HYCC1: variants seen among roughly 807,000 people sequenced by gnomAD.
HYCC1 encodes the protein hyccin.
the HYCC1 span, chr7:22,976,282 A>C: frequency 6.2e-7 from 1 of 1,612,296 alleles, no homozygotes; most frequent in South Asian, 1.1e-5. Flanking sequence ...GTAACACAAC[A>C]AAAGGAATGT....
the HYCC1 span, chr7:22,946,115 A>C: frequency 6.2e-7 from 1 of 1,613,280 alleles, no homozygotes; most frequent in Non-Finnish European, 8.5e-7. Context: ...TCCCTCGTCA[A>C]CTTCAGATAT....
At chr7:23,001,596 G>A in the HYCC1 span, among the ~76,000 whole-genome samples, 2 of 152,170 alleles carry the variant, frequency 1.3e-5, no homozygotes, top group South Asian at 4.1e-4. Context: ...AGAACTATAG[G>A]GTAGTAAAAG....
chr7:22,923,235 T>C, the HYCC1 span, among the ~76,000 whole-genome samples: 14 of 152,024 alleles, frequency 9.2e-5, no homozygotes, highest in Non-Finnish European at 1.8e-4. Flanking sequence ...GGAATAAAAA[T>C]AGAAATTATT....
At chr7:22,990,101 A>G in the HYCC1 span, among the ~76,000 whole-genome samples, 3 of 152,224 alleles carry the variant, frequency 2.0e-5, no homozygotes, top group African/African-American at 7.2e-5. Flanking sequence ...GTTTCTGAAC[A>G]TAACATTTCA....
the HYCC1 span, chr7:22,977,544 A>T: frequency 4.9e-6 from 3 of 607,002 alleles, no homozygotes; most frequent in Non-Finnish European, 8.6e-6. Flanking sequence ...ATTTTAAGTT[A>T]AAACCTTAAA....
chr7:23,004,361 T>C, the HYCC1 span, among the ~76,000 whole-genome samples: 304 of 152,344 alleles, frequency 2.0e-3, 2 homozygotes, highest in African/African-American at 7.2e-3. Context: ...TAATTCCTGA[T>C]TGATGAAACC....
chr7:22,990,928 T>G, the HYCC1 span: 1 of 663,228 alleles, frequency 1.5e-6, no homozygotes, highest in Non-Finnish European at 2.7e-6. Flanking sequence ...TAACTCTCTA[T>G]TGAGATTTGA....
the HYCC1 span, chr7:22,984,158 AT>A: frequency 3.0e-6 from 2 of 677,586 alleles, no homozygotes; most frequent in Non-Finnish European, 5.3e-6. Context: ...GGAGAAGAAG[AT>A]TAGGAGTGAC....
At chr7:23,013,197 C>A in the HYCC1 span, among the ~76,000 whole-genome samples, 1 of 152,134 alleles carries the variant, frequency 6.6e-6, no homozygotes, top group Non-Finnish European at 1.5e-5. Flanking sequence ...TCAGCCAAAC[C>A]CCCGAGGATT....
At chr7:23,003,215 C>A in the HYCC1 span, among the ~76,000 whole-genome samples, 3 of 151,466 alleles carry the variant, frequency 2.0e-5, no homozygotes, top group Admixed American at 6.6e-5. Context: ...CTTTTTTTTT[C>A]TTATATTAAG....
chr7:22,937,222 A>G, the HYCC1 span: 1 of 152,164 alleles, frequency 6.6e-6, no homozygotes, highest in Non-Finnish European at 1.5e-5. Flanking sequence ...AAGTTTAAAG[A>G]TAAATGCATG....
the HYCC1 span, among the ~76,000 whole-genome samples, chr7:22,949,990 T>C: frequency 6.6e-6 from 1 of 151,992 alleles, no homozygotes; most frequent in Non-Finnish European, 1.5e-5. Context: ...AACATAATTC[T>C]CAGGAAAACT....
the HYCC1 span, among the ~76,000 whole-genome samples, chr7:23,008,749 CAT>C: frequency 9.2e-5 from 14 of 152,106 alleles, no homozygotes; most frequent in South Asian, 4.1e-4. Context: ...AGTATACACA[CAT>C]GATTTGGTAT....
the HYCC1 span, among the ~76,000 whole-genome samples, chr7:22,952,263 A>G: frequency 0.4 from 60,212 of 151,852 alleles, 11,929 homozygotes; most frequent in East Asian, 0.5. Context: ...AAGTAGGGTA[A>G]TAGGGGATAA....
the HYCC1 span, among the ~76,000 whole-genome samples, chr7:22,990,855 A>C: frequency 6.6e-6 from 1 of 152,216 alleles, no homozygotes; most frequent in African/African-American, 2.4e-5. Flanking sequence ...AAATGAATAA[A>C]CTCTTTGAAC....
chr7:22,960,467 T>C, the HYCC1 span: 27 of 1,426,676 alleles, frequency 1.9e-5, no homozygotes, highest in Admixed American at 2.3e-4. Context: ...AGAGCAGATA[T>C]ATTATCTAAC....
At chr7:22,931,817 C>G in the HYCC1 span, among the ~76,000 whole-genome samples, 1 of 152,070 alleles carries the variant, frequency 6.6e-6, no homozygotes, top group Non-Finnish European at 1.5e-5. Context: ...GAATTGTGTT[C>G]TAGATTTGGA....
At chr7:22,994,931 C>G in the HYCC1 span, among the ~76,000 whole-genome samples, 2 of 152,158 alleles carry the variant, frequency 1.3e-5, no homozygotes. Context: ...TCTCCCATCC[C>G]ATCCTAATTC....
chr7:22,928,138 C>A, the HYCC1 span, among the ~76,000 whole-genome samples: 1 of 151,952 alleles, frequency 6.6e-6, no homozygotes, highest in Non-Finnish European at 1.5e-5. Context: ...TTCAACAACC[C>A]TTCATGCTAA....
Sources: gnomAD v4.1 joint callset for allele counts (sites outside exome capture counted in the v4.1 genomes callset) on GRCh38, gnomAD v4.1.1 for gene constraint, MANE v1.5 for transcripts, NCBI Gene and HGNC (gene_info 2026-07-23, HGNC 2026-07-21) for gene names.